The following MIER1 variants were observed in gnomAD, a reference collection of about 807,000 sequenced individuals.
MIER1 encodes MIER1 transcriptional regulator.
A neutral mutation model predicts 75.7 loss-of-function variants in MIER1; 40 were observed. The ratio of observed to expected loss-of-function variants is 0.53; its 90% CI spans 0.41 to 0.69. The LOEUF (loss-of-function observed/expected upper bound fraction) is 0.69, where lower values mean the gene tolerates loss of function less well. Among genes scored for constraint, MIER1 ranks in the 30% least tolerant of loss-of-function variants. MIER1 has a pLI of 0.00. For missense variants in MIER1, 574 were observed against 680.2 expected (o/e 0.84, Z 1.74); for synonymous variants, 213 against 223.4 (o/e 0.95, Z 0.42).
In MIER1 at chr1:66,932,180, T is replaced by A. The variant is rs537680036; in HGVS notation, c.168+5938T>A. ...GTTATTGTAAGATAAAGGAAAAAAA[T>A]ATTTTGATTCACTAATCATTTCCTA... On this transcript the variant is annotated intron_variant, in intron 2 of 13. Coordinates refer to ENST00000401041, the MANE Select transcript of MIER1 (RefSeq NM_001077700.3). 4.6e-5 allele frequency among the ~76,000 whole-genome samples: 7 copies of A among 151,810 alleles called. No homozygotes were observed. The East Asian group carries it at 1.3e-3, about 29-fold the overall frequency.
At chr1:66,933,601 A>G (rs1176199565) in intron 2 of MIER1, among the ~76,000 whole-genome samples, 1 of 152,200 alleles carries the variant, frequency 6.6e-6, no homozygotes, top group Non-Finnish European at 1.5e-5. Context: ...TTATGAAAAC[A>G]TTAATTTCTA....
At chr1:66,976,443 C>A in intron 11 of MIER1, 152 bp from the exon 12 acceptor site, 1 of 518,764 alleles carries the variant, frequency 1.9e-6, no homozygotes, top group Non-Finnish European at 3.2e-6. Context: ...GAAAGAATAG[C>A]TTTCAACATA....
intron 3 of MIER1, among the ~76,000 whole-genome samples, chr1:66,941,363 G>A (rs1656164674): frequency 6.6e-6 from 1 of 151,974 alleles, no homozygotes; most frequent in Non-Finnish European, 1.5e-5. Context: ...AAGATTGGGA[G>A]TAATCTGGTC....
intron 2 of MIER1, among the ~76,000 whole-genome samples, chr1:66,933,678 A>AT (rs1032064431): frequency 6.6e-6 from 1 of 151,942 alleles, no homozygotes; most frequent in Non-Finnish European, 1.5e-5. Flanking sequence ...CTAATAATGA[A>AT]TTTTTTTTCA....
intron 3 of MIER1, among the ~76,000 whole-genome samples, chr1:66,943,363 A>T (rs1221684737): frequency 1.3e-5 from 2 of 152,232 alleles, no homozygotes; most frequent in Non-Finnish European, 2.9e-5. Context: ...AAGAAAATTA[A>T]GATAATATGC....
intron 11 of MIER1, among the ~76,000 whole-genome samples, chr1:66,975,293 G>A (rs561349939): frequency 6.6e-6 from 1 of 152,314 alleles, no homozygotes; most frequent in East Asian, 1.9e-4. Flanking sequence ...TTGGGAGGTT[G>A]AAGCATGCAG....
Position 66,988,081 on chromosome 1 carries a change from A to T in MIER1, c.*3181A>T, listed in dbSNP as rs1323210156. 1 of 150,978 alleles carries T rather than the reference A, an allele frequency of 6.6e-6. No individual in the cohort carries two copies. The highest frequency in any genetic ancestry group is 1.9e-4 in the East Asian group (1 of 5,322). The allele number at this position is 150,978 out of a possible 1,614,324, so 9.4% of individuals were successfully genotyped here. On this transcript the variant is annotated 3_prime_UTR_variant, in exon 14 of 14. Coordinates refer to ENST00000401041, the MANE Select transcript of MIER1 (RefSeq NM_001077700.3). ...TAGGAGTGGGCACTTGGAATAACTG[A>T]GGGCTGGTGAATATAATAGGCAATA...
intron 2 of MIER1, chr1:66,930,326 C>A: frequency 6.3e-7 from 1 of 1,595,530 alleles, no homozygotes; most frequent in Non-Finnish European, 8.5e-7. Flanking sequence ...CTGAGTCTCA[C>A]ATCCGGGTTC....
At chr1:66,935,693 G>T (rs1269866465) in intron 2 of MIER1, among the ~76,000 whole-genome samples, 1 of 152,068 alleles carries the variant, frequency 6.6e-6, no homozygotes, top group Non-Finnish European at 1.5e-5. Context: ...TTCCCTAGAG[G>T]TAACTATTGT....
chr1:66,963,203 G>A (rs759552951), intron 8 of MIER1, 43 bp downstream of exon 8: 2 of 1,229,206 alleles, frequency 1.6e-6, no homozygotes, highest in Non-Finnish European at 2.4e-6. Flanking sequence ...TATGCTTTCA[G>A]TGTAATGAAC....
rs986471275 is a variant in MIER1 at position 66,943,800 on chromosome 1, C to T, written c.194-2350C>T. On this transcript the variant is annotated intron_variant, in intron 3 of 13. Transcript: ENST00000401041. ...CCATGTGACCTGGCTTGCATTCACT[C>T]GTCTTAGTACATAGACTCTCCTTAA... Among the ~76,000 whole-genome samples, 5 of 152,256 alleles carry T rather than the reference C, an allele frequency of 3.3e-5. No homozygotes were observed. In the South Asian group the frequency reaches 6.2e-4, roughly 19 times the overall value.
chr1:66,934,430 G>A (rs1385362263), intron 2 of MIER1, among the ~76,000 whole-genome samples: 3 of 148,534 alleles, frequency 2.0e-5, no homozygotes, highest in African/African-American at 7.5e-5. Flanking sequence ...TTGAGACAGG[G>A]TCTCTCTCTG....
At chr1:66,945,149 C>CT (rs1380382560) in intron 3 of MIER1, among the ~76,000 whole-genome samples, 2 of 151,912 alleles carry the variant, frequency 1.3e-5, no homozygotes, top group Non-Finnish European at 2.9e-5. Flanking sequence ...CCTTCGATAC[C>CT]TGTAAACCTC....
chr1:66,930,146 C>G, intron 2 of MIER1: 7 of 1,174,314 alleles, frequency 6.0e-6, no homozygotes, highest in Non-Finnish European at 7.5e-6. Flanking sequence ...CGCGCGCGCG[C>G]CCCTGCTCCG....
Position 66,978,821 on chromosome 1 carries a change from T to A in MIER1, c.1229+2099T>A, listed in dbSNP as rs530941120. Among the ~76,000 whole-genome samples the A allele has an allele frequency of 3.9e-5, 6 of 152,334 alleles. No individual in the cohort carries two copies. In the South Asian group the frequency reaches 1.2e-3, roughly 32 times the overall value. On this transcript the variant is annotated intron_variant, in intron 12 of 13. Transcript: ENST00000401041. ...CTGGCTTAGTTGGTCCTCTGTGATG[T>A]CAAGATCAACAGGTTAGGTAGGGAT...
chr1:66,929,263 G>A (rs1570018943), intron 2 of MIER1: 2 of 347,380 alleles, frequency 5.8e-6, no homozygotes, highest in Non-Finnish European at 1.1e-5. Flanking sequence ...GTTGATTTTG[G>A]TAGCCACTTT....
rs115860859 is a variant in MIER1 at position 66,984,612 on chromosome 1, G to T, written c.1410G>T (p.Glu470Asp). 6.2e-7 allele frequency: 1 copy of T among 1,609,288 alleles called. No individual in the cohort carries two copies. The highest frequency in any genetic ancestry group is 1.7e-5 in the Admixed American group (1 of 59,110). Residue 470 changes from glutamate to aspartate, a missense_variant, in exon 14 of 14, where the codon GAG (glutamate) becomes GAT (aspartate). This residue lies in a region of MIER1 where 164 missense variants were observed against 154.3 expected (regional missense o/e 1.06). Coordinates refer to ENST00000401041, the MANE Select transcript of MIER1 (RefSeq NM_001077700.3). ...SNGPGEILNK[E>D]EVKVEGLHIN... ...GACCAGGTGAAATATTAAACAAAGAGGAAGTAAAAGTTGAAGGGTTACACA... is the reference window on the plus strand; with the variant it reads ...GACCAGGTGAAATATTAAACAAAGATGAAGTAAAAGTTGAAGGGTTACACA...
intron 4 of MIER1, chr1:66,947,348 A>C (rs1010585991): frequency 6.6e-6 from 1 of 152,184 alleles, no homozygotes; most frequent in African/African-American, 2.4e-5. Context: ...ACATCTCTAA[A>C]TTATAAATGT....
chr1:66,934,231 G>GT (rs906268517), intron 2 of MIER1, among the ~76,000 whole-genome samples: 8 of 152,180 alleles, frequency 5.3e-5, no homozygotes, highest in African/African-American at 1.7e-4. Flanking sequence ...TATAATAAAA[G>GT]TAAAGTTAGG....
Sources: gnomAD v4.1 joint callset for allele counts (sites outside exome capture counted in the v4.1 genomes callset) on GRCh38, gnomAD v4.1.1 for gene constraint, gnomAD v4.1.1 regional missense constraint, MANE v1.5 for transcripts, NCBI Gene and HGNC (gene_info 2026-07-23, HGNC 2026-07-21) for gene names.